CCDC150: variants seen among roughly 807,000 people sequenced by gnomAD.
CCDC150 encodes coiled-coil domain-containing protein 150.
Under a neutral mutation model 156.5 loss-of-function variants are expected in CCDC150, and 151 were observed. The ratio of observed to expected loss-of-function variants is 0.97; its 90% CI spans 0.85 to 1.10. The LOEUF (loss-of-function observed/expected upper bound fraction) is 1.10. Among genes scored for constraint, CCDC150 ranks in the 50% least tolerant of loss-of-function variants. CCDC150 has a pLI of 0.00. For missense variants in CCDC150, 1,312 were observed against 1,268.1 expected (o/e 1.03, Z -0.53); for synonymous variants, 452 against 429.4 (o/e 1.05, Z -0.65).
At chr2:196,722,177 C>T (rs1021460597) in intron 21 of CCDC150, among the ~76,000 whole-genome samples, 15 of 152,146 alleles carry the variant, frequency 9.9e-5, no homozygotes, top group Admixed American at 4.6e-4. Flanking sequence ...TAAAGTTTTG[C>T]CTTAAATTAT....
chr2:196,695,901 G>A lies in CCDC150; in HGVS notation c.1623+742G>A, dbSNP rs1218799863. On this transcript the variant is annotated intron_variant, in intron 14 of 27. Transcript: ENST00000389175. ...GCTAATAATTTTCTTGTGTGCTTTC[G>A]AATACATGAAAAAGTATTACTTACT... Among the ~76,000 whole-genome samples the A allele has an allele frequency of 6.6e-5, 10 of 151,926 alleles. No individual in the cohort carries two copies. The East Asian group carries it at 1.5e-3, about 23-fold the overall frequency.
In CCDC150 at chr2:196,715,256, C is replaced by T. The variant is rs551257716; in HGVS notation, c.1866+2517C>T. Reference sequence around the variant, plus strand: ...ACAGAGGAAGCAACCAAAATCTTATCAATAAGAGACTGGCTAAATAATAGT... The same window carrying T: ...ACAGAGGAAGCAACCAAAATCTTATTAATAAGAGACTGGCTAAATAATAGT... On this transcript the variant is annotated intron_variant, in intron 17 of 27. Coordinates refer to ENST00000389175, the MANE Select transcript of CCDC150 (RefSeq NM_001080539.2). 2.4e-4 allele frequency among the ~76,000 whole-genome samples: 37 copies of T among 152,096 alleles called. 1 individual carries two copies. Among genetic ancestry groups the T allele is most frequent in the African/African-American group, 5.3e-4 (22 of 41,472 alleles).
Position 196,666,582 on chromosome 2 carries a change from T to C in CCDC150, c.763-137T>C, listed in dbSNP as rs1484769584. ...TCCAAGACCGCATTCTGTTGAGATT[T>C]TAACTGTAACATAGACTAACTTCTT... On this transcript the variant is annotated intron_variant, in intron 6 of 27. Transcript: ENST00000389175. 8.1e-6 allele frequency: 6 copies of C among 744,828 alleles called. No individual in the cohort carries two copies. The Admixed American group carries it at 1.5e-4, about 18-fold the overall frequency. 46.1% of individuals were successfully genotyped at this position (744,828 alleles called of 1,614,324 possible).
rs148292866 is a variant in CCDC150, at chr2:196,661,955, A to G, written c.645+3095A>G. Among the ~76,000 whole-genome samples, 225 of 152,240 alleles carry G rather than the reference A, an allele frequency of 1.5e-3. 1 individual carries two copies. The highest frequency in any genetic ancestry group is 2.3e-3 in the Non-Finnish European group (155 of 67,932). The stretch of plus-strand genomic sequence containing the variant: ...AAAAGAGTGAAATATTTAATTCTGA[A>G]TGAACTAGAGATTGAATCACATTTG... On this transcript the variant is annotated intron_variant, in intron 5 of 27. Coordinates refer to ENST00000389175, the MANE Select transcript of CCDC150 (RefSeq NM_001080539.2).
chr2:196,667,646 C>T (rs1216712675), intron 7 of CCDC150: 3 of 152,198 alleles, frequency 2.0e-5, no homozygotes, highest in Non-Finnish European at 2.9e-5. Context: ...AAAGTAAGAC[C>T]TAGACCTGGA....
At chr2:196,652,734 C>T (rs892862294) in intron 2 of CCDC150, among the ~76,000 whole-genome samples, 3 of 152,266 alleles carry the variant, frequency 2.0e-5, no homozygotes, top group Non-Finnish European at 4.4e-5. Context: ...CCCTTCAGTG[C>T]TGCCCTAGCA....
At chr2:196,688,646 C>G (rs1695257387) in intron 13 of CCDC150, among the ~76,000 whole-genome samples, 2 of 151,786 alleles carry the variant, frequency 1.3e-5, no homozygotes, top group Admixed American at 6.6e-5. Context: ...GGATATTAGC[C>G]CTTTGTCAGA....
Position 196,721,617 on chromosome 2 carries a change from GCAAA to G in CCDC150, c.2360_2363del (p.Thr787SerfsTer2). ...AAGCTCTCCAGACAAATAATCATCT[GCAAA>G]CAAAGCTAGATCACATTCAAGAGCA... On this transcript the variant is annotated frameshift_variant, in exon 21 of 28. Coordinates refer to ENST00000389175, the MANE Select transcript of CCDC150 (RefSeq NM_001080539.2). LOFTEE classifies it high-confidence loss of function. 6.2e-7 allele frequency: 1 copy of G among 1,606,736 alleles called. No individual in the cohort carries two copies. Among genetic ancestry groups the G allele is most frequent in the Non-Finnish European group, 8.5e-7 (1 of 1,176,708 alleles).
intron 17 of CCDC150, among the ~76,000 whole-genome samples, chr2:196,714,866 A>C (rs895107001): frequency 2.6e-5 from 4 of 152,166 alleles, no homozygotes; most frequent in African/African-American, 9.7e-5. Flanking sequence ...ATTCTTGTAT[A>C]CTTTTCTAGA....
intron 13 of CCDC150, among the ~76,000 whole-genome samples, chr2:196,686,634 T>C (rs1695145986): frequency 1.3e-5 from 2 of 152,160 alleles, no homozygotes; most frequent in Non-Finnish European, 2.9e-5. Flanking sequence ...CCTAGGTTTT[T>C]TTTTTTAACT....
chr2:196,713,577 T>C, intron 17 of CCDC150: 3 of 1,548,086 alleles, frequency 1.9e-6, no homozygotes, highest in South Asian at 2.4e-5. Flanking sequence ...AAGACTCTTT[T>C]GAATGCTATT....
intron 5 of CCDC150, among the ~76,000 whole-genome samples, chr2:196,659,130 C>T (rs537413466): frequency 6.6e-5 from 10 of 152,192 alleles, no homozygotes; most frequent in Admixed American, 2.0e-4. Context: ...CGTGGCTGCC[C>T]GTACACCATA....
chr2:196,719,604 G>A lies in CCDC150; in HGVS notation c.2103G>A (p.Leu701=), dbSNP rs748146170. ...CTCACAGTAAGATGCAAGGTGCTCT[G>A]GAGAAAGTACAAATAGAGCTTGGGC... The part of the protein sequence containing the change: ...LASHSKMQGA[L]EKVQIELGRR... The change falls in exon 19 of 28, where the codon CTG becomes CTA. Residue 701 remains leucine, a synonymous_variant. Coordinates refer to ENST00000389175, the MANE Select transcript of CCDC150 (RefSeq NM_001080539.2). 2 of 1,613,414 alleles carry A rather than the reference G, an allele frequency of 1.2e-6. No individual in the cohort carries two copies. The highest frequency in any genetic ancestry group is 3.3e-5 in the Admixed American group (2 of 59,962).
intron 19 of CCDC150, chr2:196,720,054 A>G (rs1422237370): frequency 5.4e-6 from 2 of 367,052 alleles, no homozygotes; most frequent in South Asian, 2.2e-5. Flanking sequence ...ATTTATTACT[A>G]TCCTGTTTCA....
chr2:196,728,965 T>C (rs1254435384), intron 22 of CCDC150, among the ~76,000 whole-genome samples: 2 of 152,182 alleles, frequency 1.3e-5, no homozygotes, highest in Non-Finnish European at 2.9e-5. Context: ...ATGATGAATA[T>C]ACATTTGCAT....
chr2:196,718,584 AAG>A lies in CCDC150; in HGVS notation c.1949_1950del (p.Lys650IlefsTer27). The A allele has an allele frequency of 6.2e-7, 1 of 1,613,840 alleles. No homozygotes were observed. The highest frequency in any genetic ancestry group is 8.5e-7 in the Non-Finnish European group (1 of 1,179,782). ...TAATGCGGCCCTGAAAGAGAGTCAG[AAG>A]TTGAAAGAAGACCTCGAGGCTGTGG... Reference protein sequence around the residue: ...CRNAALKESQKLKEDLEAVED... With the variant: ...CRNAALKESQXLKEDLEAVED... On this transcript the variant is annotated frameshift_variant, in exon 18 of 28. Coordinates refer to ENST00000389175, the MANE Select transcript of CCDC150 (RefSeq NM_001080539.2). LOFTEE classifies it high-confidence loss of function.
At chr2:196,661,478 G>C (rs1004959304) in intron 5 of CCDC150, among the ~76,000 whole-genome samples, 23 of 152,246 alleles carry the variant, frequency 1.5e-4, no homozygotes, top group Middle Eastern at 3.4e-3. Flanking sequence ...GATATGGTCA[G>C]ATTGCATTAG....
chr2:196,730,301 A>G (rs1261341729), intron 25 of CCDC150, among the ~76,000 whole-genome samples, 183 bp downstream of exon 25: 3 of 152,244 alleles, frequency 2.0e-5, no homozygotes, highest in Non-Finnish European at 4.4e-5. Context: ...TGAATATGGC[A>G]AATGTTCTCC....
Position 196,676,123 on chromosome 2 carries a change from A to G in CCDC150, c.1138-20A>G. ...AGACTTTGTGGAGCTTCAACTTCTAATATTGCTTTTAACACTCAGGTAGAG... is the reference window on the plus strand; with the variant it reads ...AGACTTTGTGGAGCTTCAACTTCTAGTATTGCTTTTAACACTCAGGTAGAG... On this transcript the variant is annotated intron_variant, in intron 10 of 27. Coordinates refer to ENST00000389175, the MANE Select transcript of CCDC150 (RefSeq NM_001080539.2). 2 of 1,612,606 alleles carry G rather than the reference A, an allele frequency of 1.2e-6. No homozygotes were observed. Among genetic ancestry groups the G allele is most frequent in the South Asian group, 2.2e-5 (2 of 90,802 alleles).
Sources: gnomAD v4.1 joint callset for allele counts (sites outside exome capture counted in the v4.1 genomes callset) on GRCh38, gnomAD v4.1.1 for gene constraint, MANE v1.5 for transcripts, NCBI Gene and HGNC (gene_info 2026-07-23, HGNC 2026-07-21) for gene names.